The following RABGEF1 variants were observed in gnomAD, a reference collection of about 807,000 sequenced individuals.
The protein encoded by RABGEF1 is rab5 GDP/GTP exchange factor.
A neutral mutation model predicts 57.3 loss-of-function variants in RABGEF1; 26 were observed. The observed-to-expected ratio is 0.45, with a 90% CI of 0.33 to 0.63. The LOEUF is 0.63. RABGEF1 is among the 20% of genes least tolerant of loss of function. The probability of loss-of-function intolerance (pLI) is 0.02; values close to 1 mark genes in which losing one functional copy is unlikely to be tolerated. For missense variants in RABGEF1, 464 were observed against 607.6 expected (o/e 0.76, Z 2.48); for synonymous variants, 185 against 210.7 (o/e 0.88, Z 1.06).
At chr7:66,681,014 C>G (rs1022151265), upstream of RABGEF1, among the ~76,000 whole-genome samples, 2 of 150,550 alleles carry the variant, frequency 1.3e-5, no homozygotes, top group Non-Finnish European at 3.0e-5. Flanking sequence ...ACCTAGGAGG[C>G]GGAGTTTGCA....
intron 1 of RABGEF1, among the ~76,000 whole-genome samples, chr7:66,766,458 C>A (rs972933685): frequency 6.6e-5 from 10 of 152,072 alleles, no homozygotes; most frequent in African/African-American, 2.4e-4. Flanking sequence ...GGACTCTATT[C>A]TTTTCTTTTT....
At chr7:66,745,679 G>T (rs1800038890) in intron 1 of RABGEF1, among the ~76,000 whole-genome samples, 1 of 150,796 alleles carries the variant, frequency 6.6e-6, no homozygotes, top group African/African-American at 2.4e-5. Flanking sequence ...TGAGGCACAA[G>T]AATCTCTTGA....
Position 66,705,443 on chromosome 7 carries a change from AAGAGAGAGAGAG to A in RABGEF1, c.-872-6691_-872-6680del, listed in dbSNP as rs57856916. On this transcript the variant is annotated intron_variant and NMD_transcript_variant, in intron 1 of 9. Coordinates refer to the RABGEF1 transcript ENST00000607882. ...CAGAGCGAAACTCCATCTCGAAAGA[AAGAGAGAGAGAG>A]AGAGAGAGAGAGAGAGAGAGAGAGA... Among the ~76,000 whole-genome samples, 75 of 66,368 alleles carry A rather than the reference AAGAGAGAGAGAG, an allele frequency of 1.1e-3. 1 individual carries two copies. Among genetic ancestry groups the A allele is most frequent in the African/African-American group, 5.2e-3 (69 of 13,148 alleles). 43.5% of individuals were successfully genotyped at this position (66,368 alleles called of 152,430 possible).
At chr7:66,757,180 TTTTATGTGGA>T (rs1409930422) in intron 1 of RABGEF1, among the ~76,000 whole-genome samples, 1 of 152,332 alleles carries the variant, frequency 6.6e-6, no homozygotes, top group South Asian at 2.1e-4. Flanking sequence ...ATTTCCATAT[TTTTATGTGGA>T]TTATATTTTC....
In RABGEF1 at chr7:66,719,902, G is replaced by A. The variant is rs552088165; in HGVS notation, c.-815+7678G>A. 2.1e-3 allele frequency among the ~76,000 whole-genome samples: 316 copies of A among 152,244 alleles called. 1 individual carries two copies. Among genetic ancestry groups the A allele is most frequent in the Non-Finnish European group, 3.4e-3 (230 of 68,016 alleles). ...ATATTTACTGACTTTACAGAACAAGGTTTGCTGGTCCCTGATGTGGACCAG... is the reference window on the plus strand; with the variant it reads ...ATATTTACTGACTTTACAGAACAAGATTTGCTGGTCCCTGATGTGGACCAG... On this transcript the variant is annotated intron_variant and NMD_transcript_variant, in intron 2 of 9. Transcript: ENST00000607882.
intron 1 of RABGEF1, among the ~76,000 whole-genome samples, chr7:66,685,249 GT>G (rs1427408047): frequency 6.6e-6 from 1 of 150,650 alleles, no homozygotes; most frequent in Non-Finnish European, 1.5e-5. Context: ...CACCTCCTGG[GT>G]TCAAGTGATT....
the RABGEF1 span, among the ~76,000 whole-genome samples, chr7:66,656,541 G>C: frequency 5.9e-5 from 9 of 152,172 alleles, no homozygotes; most frequent in African/African-American, 2.2e-4. Context: ...GGTCTCTCTG[G>C]CTGGGCGTGG....
At chr7:66,709,154 A>C (rs1424956567) in intron 1 of RABGEF1, among the ~76,000 whole-genome samples, 1 of 151,756 alleles carries the variant, frequency 6.6e-6, no homozygotes. Flanking sequence ...GATTACAGGC[A>C]CCCACCACCA....
the RABGEF1 span, chr7:66,669,442 C>T: frequency 6.6e-6 from 1 of 152,318 alleles, no homozygotes; most frequent in Non-Finnish European, 1.5e-5. Flanking sequence ...ACCATCAGAG[C>T]TTTGTTAAGG....
chr7:66,806,824 A>G (rs1788545327), intron 8 of RABGEF1, among the ~76,000 whole-genome samples: 12 of 151,754 alleles, frequency 7.9e-5, no homozygotes, highest in Admixed American at 7.9e-4. Context: ...TTGTATTTTT[A>G]GTAAAGACGG....
chr7:66,655,634 T>G, the RABGEF1 span, among the ~76,000 whole-genome samples: 2 of 152,022 alleles, frequency 1.3e-5, no homozygotes. Flanking sequence ...CCTCCCAGAG[T>G]GCTGGGATTA....
Position 66,771,876 on chromosome 7 carries a change from T to C in RABGEF1, c.-17-7T>C. The C allele has an allele frequency of 7.0e-7, 1 of 1,428,390 alleles. No homozygotes were observed. Among genetic ancestry groups the C allele is most frequent in the Non-Finnish European group, 9.3e-7 (1 of 1,080,066 alleles). 88.5% of individuals were successfully genotyped at this position (1,428,390 alleles called of 1,614,324 possible). On this transcript the variant is annotated splice_polypyrimidine_tract_variant and splice_region_variant and intron_variant, in intron 1 of 8. Transcript: ENST00000284957. ...TCATTTTCAACAGCACTTTCTTGTT[T>C]GTTCAGTGGTTAGCAGGAAGAAGAT...
At chr7:66,705,002 T>G (rs1480764560) in intron 1 of RABGEF1, among the ~76,000 whole-genome samples, 2 of 152,178 alleles carry the variant, frequency 1.3e-5, no homozygotes, top group Admixed American at 1.3e-4. Context: ...TTCTTGTACA[T>G]GTTTTGTTAC....
chr7:66,692,903 C>G (rs114289784), intron 1 of RABGEF1, among the ~76,000 whole-genome samples: 2,091 of 152,326 alleles, frequency 0.014, 47 homozygotes, highest in African/African-American at 0.048. Context: ...CCCTACCCCC[C>G]AGGCTTGAGG....
At chr7:66,693,233 G>T (rs1016719461) in intron 1 of RABGEF1, among the ~76,000 whole-genome samples, 4 of 152,116 alleles carry the variant, frequency 2.6e-5, no homozygotes, top group African/African-American at 9.7e-5. Flanking sequence ...GTCCAGAGCC[G>T]GGCTGAATGG....
intron 1 of RABGEF1, among the ~76,000 whole-genome samples, chr7:66,763,812 CTTCA>C (rs1289645894): frequency 2.0e-5 from 3 of 152,246 alleles, no homozygotes; most frequent in Non-Finnish European, 4.4e-5. Context: ...TATATCAGCA[CTTCA>C]TTCCTTTTTA....
At chr7:66,745,007 A>G (rs1799874370) in intron 1 of RABGEF1, among the ~76,000 whole-genome samples, 2 of 152,024 alleles carry the variant, frequency 1.3e-5, no homozygotes, top group South Asian at 4.2e-4. Context: ...CCTGGCTAAC[A>G]TGGTAAAACC....
At position 66,743,588 on chromosome 7, in the gene RABGEF1, C is replaced by T. The variant is rs535194788; in HGVS notation, c.-18+2796C>T. ...GCGATCTCGGCTCACTGCAAGCTCC[C>T]CCTCCTGGGTTCACGCCATTCTCCT... On this transcript the variant is annotated intron_variant, in intron 1 of 8. Transcript: ENST00000284957. Among the ~76,000 whole-genome samples the T allele has an allele frequency of 2.0e-5, 3 of 152,066 alleles. No individual in the cohort carries two copies. The East Asian group carries it at 5.8e-4, about 29-fold the overall frequency.
At chr7:66,708,531 C>T (rs537998037) in intron 1 of RABGEF1, among the ~76,000 whole-genome samples, 3 of 152,236 alleles carry the variant, frequency 2.0e-5, no homozygotes, top group Admixed American at 1.3e-4. Flanking sequence ...TCAAGTGATC[C>T]GTCCACCTCT....
Sources: gnomAD v4.1 joint callset for allele counts (sites outside exome capture counted in the v4.1 genomes callset) on GRCh38, gnomAD v4.1.1 for gene constraint, MANE v1.5 for transcripts, NCBI Gene and HGNC (gene_info 2026-07-23, HGNC 2026-07-21) for gene names.